Variants in CAPN8 observed in about 807,000 individuals in gnomAD.
CAPN8 encodes the protein calpain-8.
CAPN8 carries 87 observed loss-of-function variants against 80.9 expected under a neutral mutation model. The observed-to-expected ratio is 1.07, with a 90% CI of 0.90 to 1.28. CAPN8 has a LOEUF of 1.28. CAPN8 is among the 50% of genes most tolerant of loss of function. The pLI is 0.00. For synonymous variants in CAPN8, 299 were observed against 273.8 expected (o/e 1.09, Z -0.91); for missense variants, 757 against 702.0 (o/e 1.08, Z -0.89).
At chr1:223,547,093 T>C (rs1406525444) in intron 16 of CAPN8, among the ~76,000 whole-genome samples, 2 of 152,192 alleles carry the variant, frequency 1.3e-5, no homozygotes, top group African/African-American at 2.4e-5. Flanking sequence ...TTTGTATTTT[T>C]AGTAGAGACA....
chr1:223,557,653 G>A (rs986531168), intron 13 of CAPN8, among the ~76,000 whole-genome samples: 115 of 152,196 alleles, frequency 7.6e-4, no homozygotes, highest in African/African-American at 2.6e-3. Flanking sequence ...TCCTCCATGG[G>A]GCCTTCCCAG....
chr1:223,541,982 G>C, intron 20 of CAPN8, 123 bp from the exon 21 acceptor site: 1 of 1,461,980 alleles, frequency 6.8e-7, no homozygotes, highest in Non-Finnish European at 9.4e-7. Context: ...TAAGTGCCTT[G>C]CTCAAACATG....
intron 2 of CAPN8, among the ~76,000 whole-genome samples, chr1:223,637,998 G>A (rs1290280473): frequency 2.0e-5 from 3 of 152,084 alleles, no homozygotes; most frequent in African/African-American, 7.2e-5. Context: ...AATGTTTAGG[G>A]ATATCTGTAT....
intron 14 of CAPN8, among the ~76,000 whole-genome samples, chr1:223,552,123 G>A (rs1007541317): frequency 2.0e-5 from 3 of 152,146 alleles, no homozygotes; most frequent in South Asian, 2.1e-4. Flanking sequence ...GACTTTAGCC[G>A]AGTCACTTTC....
intron 1 of CAPN8, among the ~76,000 whole-genome samples, chr1:223,661,780 A>T (rs186774530): frequency 0.013 from 1,959 of 152,340 alleles, 21 homozygotes; most frequent in Non-Finnish European, 0.019. Flanking sequence ...TGAACGTAGA[A>T]CTGCCATATG....
intron 2 of CAPN8, among the ~76,000 whole-genome samples, chr1:223,644,915 A>C (rs1220357700): frequency 6.6e-6 from 1 of 152,216 alleles, no homozygotes; most frequent in Non-Finnish European, 1.5e-5. Context: ...CTAGAGGGAC[A>C]GGACTAATAG....
At chr1:223,543,448 C>T (rs1199256033) in intron 19 of CAPN8, among the ~76,000 whole-genome samples, 1 of 152,204 alleles carries the variant, frequency 6.6e-6, no homozygotes, top group East Asian at 1.9e-4. Context: ...AGCTTTATAT[C>T]AGAAACGTGC....
chr1:223,657,506 C>T lies in CAPN8; in HGVS notation c.238-3107G>A, dbSNP rs577314994. 8.5e-5 allele frequency among the ~76,000 whole-genome samples: 13 copies of T among 152,288 alleles called. No individual in the cohort carries two copies. In the South Asian group the frequency reaches 2.7e-3, roughly 32 times the overall value. On this transcript the variant is annotated intron_variant, in intron 1 of 20. Transcript: ENST00000366872. ...TCTTGGCTGGGCATGGTGACTCACA[C>T]CTGTAATCCCAGCACTTTGAGAGGC...
At chr1:223,546,885 G>GGTTGTT (rs66949236) in intron 16 of CAPN8, among the ~76,000 whole-genome samples, 341 of 150,020 alleles carry the variant, frequency 2.3e-3, no homozygotes, top group Middle Eastern at 6.8e-3. Context: ...TTTGTTTTGT[G>GGTTGTT]GTTGTTGTTG....
chr1:223,552,296 G>A (rs1656808153), intron 14 of CAPN8, among the ~76,000 whole-genome samples: 1 of 152,178 alleles, frequency 6.6e-6, no homozygotes, highest in Admixed American at 6.5e-5. Flanking sequence ...AGGCACGGTG[G>A]CTCACACCTG....
intron 2 of CAPN8, among the ~76,000 whole-genome samples, 174 bp downstream of exon 2, chr1:223,654,155 AG>A (rs1321416219): frequency 6.6e-6 from 1 of 152,190 alleles, no homozygotes. Context: ...CCTACAGTGA[AG>A]TTCCAGCATT....
At chr1:223,553,418 C>T (rs1275839623) in intron 14 of CAPN8, among the ~76,000 whole-genome samples, 1 of 152,176 alleles carries the variant, frequency 6.6e-6, no homozygotes, top group Non-Finnish European at 1.5e-5. Context: ...GCACACTAAT[C>T]CCAAGCCAGG....
At chr1:223,544,734 C>G in intron 18 of CAPN8, 38 bp downstream of exon 18, 1 of 1,550,884 alleles carries the variant, frequency 6.4e-7, no homozygotes, top group Non-Finnish European at 8.7e-7. Flanking sequence ...ATGTGCACAC[C>G]TGGATCCCAA....
In CAPN8 at chr1:223,622,919, GA is replaced by G; in HGVS notation, c.814-20del. 2 of 1,540,144 alleles carry G rather than the reference GA, an allele frequency of 1.3e-6. No individual in the cohort carries two copies. The highest frequency in any genetic ancestry group is 4.9e-5 in the East Asian group (2 of 40,870). ...AATTCACCTGCAAATTCCATACACA[GA>G]AAAGCGACTGAATTACTATGCTCCT... is the stretch of plus-strand genomic sequence containing the variant. On this transcript the variant is annotated intron_variant, in intron 6 of 20. Coordinates refer to ENST00000366872, the MANE Select transcript of CAPN8 (RefSeq NM_001143962.2).
chr1:223,550,771 CG>C (rs1558336728), intron 15 of CAPN8, among the ~76,000 whole-genome samples, 188 bp downstream of exon 15: 1 of 152,120 alleles, frequency 6.6e-6, no homozygotes, highest in African/African-American at 2.4e-5. Flanking sequence ...CCTCCACCCT[CG>C]CCTCCCCGTC....
chr1:223,656,981 G>A (rs1658511617), intron 1 of CAPN8, among the ~76,000 whole-genome samples: 1 of 152,120 alleles, frequency 6.6e-6, no homozygotes, highest in Non-Finnish European at 1.5e-5. Context: ...ACCGCGCCCA[G>A]CCACATACAC....
At chr1:223,645,078 A>G (rs1043436996) in intron 2 of CAPN8, among the ~76,000 whole-genome samples, 5 of 152,200 alleles carry the variant, frequency 3.3e-5, no homozygotes, top group African/African-American at 7.2e-5. Flanking sequence ...CGCAGCCTTC[A>G]GTCTGTGGCC....
chr1:223,637,694 G>A (rs1485168596), intron 2 of CAPN8, among the ~76,000 whole-genome samples: 1 of 152,162 alleles, frequency 6.6e-6, no homozygotes, highest in African/African-American at 2.4e-5. Context: ...CACTTGCCAA[G>A]CATCACCATG....
In CAPN8 at chr1:223,655,502, T is replaced by C. The variant is rs143397081; in HGVS notation, c.238-1103A>G. Among the ~76,000 whole-genome samples the C allele has an allele frequency of 3.4e-3, 510 of 152,130 alleles. 3 individuals carry two copies. Among genetic ancestry groups the C allele is most frequent in the African/African-American group, 0.012 (491 of 41,476 alleles). On this transcript the variant is annotated intron_variant, in intron 1 of 20. Transcript: ENST00000366872. ...GGCAGGCAGGGGAAAGAGGGAAACA[T>C]GGTGAAATGAAGAAAGAAAAGAAAT... is the stretch of plus-strand genomic sequence containing the variant.
Sources: allele counts gnomAD v4.1 joint callset (sites outside exome capture counted in the v4.1 genomes callset), GRCh38; gene constraint gnomAD v4.1.1; transcripts MANE v1.5; gene names NCBI Gene and HGNC (gene_info 2026-07-23, HGNC 2026-07-21).